BACH2: variants seen among roughly 807,000 people sequenced by gnomAD.
The protein encoded by BACH2 is transcription regulator protein BACH2.
A neutral mutation model predicts 61.8 loss-of-function variants in BACH2; 5 were observed. That is an observed-to-expected ratio of 0.08 (90% CI 0.04 to 0.17). The LOEUF is 0.17. Among genes scored for constraint, BACH2 ranks in the 10% least tolerant of loss-of-function variants. The pLI is 1.00. For missense variants in BACH2, 824 were observed against 1,091.1 expected (o/e 0.76, Z 3.45); for synonymous variants, 446 against 440.1 (o/e 1.01, Z -0.17).
intron 4 of BACH2, among the ~76,000 whole-genome samples, chr6:90,158,905 T>C (rs745333104): frequency 1.3e-5 from 2 of 152,154 alleles, no homozygotes; most frequent in African/African-American, 4.8e-5. Flanking sequence ...CTGAAAAATA[T>C]CATCTCTTAA....
At chr6:90,024,573 G>C (rs149749710) in intron 5 of BACH2, among the ~76,000 whole-genome samples, 2 of 152,274 alleles carry the variant, frequency 1.3e-5, no homozygotes, top group Non-Finnish European at 2.9e-5. Flanking sequence ...TGACTTTTTA[G>C]TTCTAGTTTC....
At chr6:90,104,833 A>G (rs2127813540) in intron 4 of BACH2, among the ~76,000 whole-genome samples, 1 of 152,220 alleles carries the variant, frequency 6.6e-6, no homozygotes, top group African/African-American at 2.4e-5. Flanking sequence ...GGGGAGTGGG[A>G]GGAGAAGGAG....
intron 4 of BACH2, among the ~76,000 whole-genome samples, chr6:90,109,974 T>C (rs1161783435): frequency 6.6e-6 from 1 of 152,238 alleles, no homozygotes. Flanking sequence ...TAAAACATTG[T>C]ATATTAACAC....
intron 3 of BACH2, among the ~76,000 whole-genome samples, chr6:90,251,345 G>A (rs1032622180): frequency 1.3e-5 from 2 of 152,090 alleles, no homozygotes; most frequent in African/African-American, 2.4e-5. Context: ...GATCAGGCAC[G>A]TTCAGGGTGG....
chr6:90,022,620 T>A (rs1778437764), intron 5 of BACH2, among the ~76,000 whole-genome samples: 1 of 152,160 alleles, frequency 6.6e-6, no homozygotes, highest in Non-Finnish European at 1.5e-5. Flanking sequence ...TTAACCAAAA[T>A]GGAGAGTCAC....
intron 4 of BACH2, among the ~76,000 whole-genome samples, chr6:90,090,531 A>G (rs1016696602): frequency 6.6e-6 from 1 of 152,226 alleles, no homozygotes; most frequent in African/African-American, 2.4e-5. Context: ...CTAATCAATG[A>G]TGATCAAATG....
intron 3 of BACH2, among the ~76,000 whole-genome samples, chr6:90,209,169 T>C (rs918970503): frequency 6.6e-6 from 1 of 152,148 alleles, no homozygotes; most frequent in African/African-American, 2.4e-5. Context: ...AACCTGAATG[T>C]TGTGCACATG....
rs2127780658 is a variant in BACH2 at position 90,008,690 on chromosome 6, C to T, written c.155G>A (p.Arg52Gln). 2 of 1,614,196 alleles carry T rather than the reference C, an allele frequency of 1.2e-6. No homozygotes were observed. Among genetic ancestry groups the T allele is most frequent in the Non-Finnish European group, 1.7e-6 (2 of 1,180,026 alleles). Residue 52 changes from arginine (R) to glutamine (Q), a missense_variant, in exon 6 of 9, where the codon CGG (arginine) becomes CAG (glutamine). Coordinates refer to ENST00000257749, the MANE Select transcript of BACH2 (RefSeq NM_021813.4). The surrounding 1 kb of genome is among the most constrained non-coding windows in gnomAD (Gnocchi z 4.1). ...TTCACTGCATGCGGCCAGCACAGCC[C>T]GGTGGGCCCGGAACTCCTTCCTCTC... Reference protein sequence around the residue: ...IVERKEFRAHRAVLAACSEYF... With the variant: ...IVERKEFRAHQAVLAACSEYF...
At chr6:90,231,653 A>G (rs749272433) in intron 3 of BACH2, among the ~76,000 whole-genome samples, 7 of 152,208 alleles carry the variant, frequency 4.6e-5, no homozygotes, top group Non-Finnish European at 8.8e-5. Flanking sequence ...TTTCATGTAT[A>G]ACAACCAACC....
intron 7 of BACH2, among the ~76,000 whole-genome samples, chr6:89,948,929 C>T (rs966762021): frequency 4.6e-5 from 7 of 152,110 alleles, no homozygotes; most frequent in Non-Finnish European, 8.8e-5. Context: ...GTCTGCTAGG[C>T]AGTTAAGAGA....
intron 5 of BACH2, among the ~76,000 whole-genome samples, chr6:90,012,133 A>G (rs1777759794): frequency 6.6e-6 from 1 of 151,872 alleles, no homozygotes; most frequent in Non-Finnish European, 1.5e-5. Flanking sequence ...TAGTGTCTTG[A>G]TTTGCTCTTT....
intron 4 of BACH2, among the ~76,000 whole-genome samples, chr6:90,170,226 T>C (rs191544207): frequency 6.8e-4 from 104 of 152,330 alleles, no homozygotes; most frequent in Admixed American, 2.1e-3. Flanking sequence ...AAATATCTTC[T>C]TTAAAAAATA....
At chr6:90,264,981 A>C (rs1035369769) in intron 2 of BACH2, among the ~76,000 whole-genome samples, 4 of 152,252 alleles carry the variant, frequency 2.6e-5, no homozygotes, top group Non-Finnish European at 5.9e-5. Context: ...TGAAGACAAG[A>C]ATGCTTTTTC....
intron 4 of BACH2, among the ~76,000 whole-genome samples, chr6:90,152,825 G>A (rs1177155282): frequency 1.3e-5 from 2 of 152,182 alleles, no homozygotes; most frequent in Non-Finnish European, 2.9e-5. Flanking sequence ...ATACTTGGGG[G>A]TTATGTTTAC....
At position 90,296,839 on chromosome 6, in the gene BACH2, T is replaced by G; in HGVS notation, c.-805A>C. The G allele has an allele frequency of 5.8e-6, 1 of 171,042 alleles. No homozygotes were observed. The highest frequency in any genetic ancestry group is 1.2e-5 in the Non-Finnish European group (1 of 83,330). 10.6% of individuals were successfully genotyped at this position (171,042 alleles called of 1,614,324 possible). ...TGCTGAGGCGGCGGCGGCTCGGCGC[T>G]GTTTGCTCCGCGCCGCGCGGCTTGC... On this transcript the variant is annotated 5_prime_UTR_variant, in exon 1 of 9. Transcript: ENST00000257749.
intron 6 of BACH2, among the ~76,000 whole-genome samples, chr6:90,003,035 G>A (rs760235985): frequency 6.6e-6 from 1 of 152,094 alleles, no homozygotes; most frequent in Non-Finnish European, 1.5e-5. Flanking sequence ...CCTGGTGTAG[G>A]CCATCAGGTC....
chr6:90,107,380 C>CA (rs998108072), intron 4 of BACH2, among the ~76,000 whole-genome samples: 6 of 151,270 alleles, frequency 4.0e-5, no homozygotes, highest in African/African-American at 1.5e-4. Flanking sequence ...CAAAAAAAAA[C>CA]AAAAAAACAA....
chr6:90,223,059 C>G (rs1292017276), intron 3 of BACH2, among the ~76,000 whole-genome samples: 1 of 152,160 alleles, frequency 6.6e-6, no homozygotes, highest in Admixed American at 6.5e-5. Flanking sequence ...AGGATAAGAC[C>G]CACTTCCCCT....
At chr6:90,295,951 G>A (rs1363780787) in intron 1 of BACH2, among the ~76,000 whole-genome samples, 2 of 152,226 alleles carry the variant, frequency 1.3e-5, no homozygotes, top group East Asian at 2.0e-4. Flanking sequence ...CCGCGGCCAA[G>A]GTCCTCGCGG....
Sources: gnomAD v4.1 joint callset for allele counts (sites outside exome capture counted in the v4.1 genomes callset) on GRCh38, gnomAD v4.1.1 for gene constraint, Gnocchi (gnomAD v3.1) non-coding constraint, MANE v1.5 for transcripts, NCBI Gene and HGNC (gene_info 2026-07-23, HGNC 2026-07-21) for gene names.